SIAH3: variants seen among roughly 807,000 people sequenced by gnomAD.
SIAH3 encodes the protein seven in absentia homolog 3.
Under a neutral mutation model 12.6 loss-of-function variants are expected in SIAH3, and 9 were observed. That is an observed-to-expected ratio of 0.72 (90% CI 0.43 to 1.25). SIAH3 has a LOEUF of 1.25. Ranked by LOEUF, SIAH3 falls within the 50% of genes most tolerant of loss-of-function variation. SIAH3 has a pLI of 0.00. For missense variants in SIAH3, 390 were observed against 365.4 expected, an observed-to-expected ratio of 1.07 and a Z score of -0.55; for synonymous variants, 154 against 151.1, an observed-to-expected ratio of 1.02 and a Z score of -0.14.
chr13:45,781,107 A>C lies in SIAH3; in HGVS notation c.*2276T>G, dbSNP rs1180408557. 1.3e-5 allele frequency: 2 copies of C among 152,646 alleles called. No individual in the cohort carries two copies. Among genetic ancestry groups the C allele is most frequent in the East Asian group, 3.9e-4 (2 of 5,190 alleles). 9.5% of individuals were successfully genotyped at this position (152,646 alleles called of 1,614,324 possible). ...CTCCCATCTGGGATCACTTATTCATAATACAGTCTTGTGTGCAGTGAAAAT... is the reference window on the plus strand; with the variant it reads ...CTCCCATCTGGGATCACTTATTCATCATACAGTCTTGTGTGCAGTGAAAAT... On this transcript the variant is annotated 3_prime_UTR_variant, in exon 2 of 2. Coordinates refer to ENST00000400405, the MANE Select transcript of SIAH3 (RefSeq NM_198849.3).
At chr13:45,837,621 A>G (rs12428442) in intron 1 of SIAH3, among the ~76,000 whole-genome samples, 54,348 of 147,108 alleles carry the variant, frequency 0.37, 11,116 homozygotes, top group Middle Eastern at 0.51. Context: ...GGGAGGGAGG[A>G]AGGGAAGAAG....
At chr13:45,786,653 C>T (rs191195997) in intron 1 of SIAH3, among the ~76,000 whole-genome samples, 7 of 152,338 alleles carry the variant, frequency 4.6e-5, no homozygotes, top group African/African-American at 1.4e-4. Flanking sequence ...AGTGTTACCT[C>T]GAGAGGGCAT....
rs147063818 is a variant in SIAH3, at chr13:45,851,127, C to T, written c.135+368G>A. On this transcript the variant is annotated intron_variant, in intron 1 of 1. Coordinates refer to ENST00000400405, the MANE Select transcript of SIAH3 (RefSeq NM_198849.3). ...GGGACAGAGAGAATTTGGCTAACTTCAAATCCTGTCTCCTGAGCACTTGCC... is the reference window on the plus strand; with the variant it reads ...GGGACAGAGAGAATTTGGCTAACTTTAAATCCTGTCTCCTGAGCACTTGCC... Among the ~76,000 whole-genome samples the T allele has an allele frequency of 7.7e-3, 1,170 of 152,024 alleles. 17 individuals carry two copies. The highest frequency in any genetic ancestry group is 0.027 in the African/African-American group (1,103 of 41,450).
chr13:45,800,448 G>A (rs969740909), intron 1 of SIAH3, among the ~76,000 whole-genome samples: 1 of 152,184 alleles, frequency 6.6e-6, no homozygotes, highest in African/African-American at 2.4e-5. Flanking sequence ...TGGATGAAAA[G>A]AAAAATAAAG....
chr13:45,836,096 C>T (rs548610028), intron 1 of SIAH3, among the ~76,000 whole-genome samples: 2 of 152,188 alleles, frequency 1.3e-5, no homozygotes, highest in South Asian at 4.2e-4. Context: ...CAAGTGAATG[C>T]GTAGAGTGGA....
At chr13:45,850,809 G>A (rs772438846) in intron 1 of SIAH3, among the ~76,000 whole-genome samples, 5 of 151,978 alleles carry the variant, frequency 3.3e-5, no homozygotes, top group Non-Finnish European at 7.4e-5. Flanking sequence ...AGGCAGCGGC[G>A]GCAGCAGCTA....
intron 1 of SIAH3, among the ~76,000 whole-genome samples, chr13:45,826,506 T>G: frequency 6.6e-6 from 1 of 151,870 alleles, no homozygotes; most frequent in Non-Finnish European, 1.5e-5. Flanking sequence ...GGTGGATAGA[T>G]GGATGGATGG....
At chr13:45,814,818 G>A (rs1950628631) in intron 1 of SIAH3, among the ~76,000 whole-genome samples, 1 of 151,708 alleles carries the variant, frequency 6.6e-6, no homozygotes, top group Admixed American at 6.6e-5. Flanking sequence ...TGCCTTCCGG[G>A]CTCAAGCGAT....
Position 45,779,971 on chromosome 13 carries a change from A to C in SIAH3, c.*3412T>G, listed in dbSNP as rs1950497637. 2 of 152,196 alleles carry C rather than the reference A, an allele frequency of 1.3e-5. No individual in the cohort carries two copies. 9.4% of individuals were successfully genotyped at this position (152,196 alleles called of 1,614,324 possible). A position where few individuals can be genotyped will look rare whatever the true frequency, so the allele number is the denominator to read the frequency against. Reference sequence around the variant, plus strand: ...GCTCCTCTCTCCACACCTCCTGAAAAAAACCTCTGGCAGATGCCTGAAGTT... The same window carrying C: ...GCTCCTCTCTCCACACCTCCTGAAACAAACCTCTGGCAGATGCCTGAAGTT... On this transcript the variant is annotated 3_prime_UTR_variant, in exon 2 of 2. Transcript: ENST00000400405.
chr13:45,850,379 C>T (rs148303605), intron 1 of SIAH3, among the ~76,000 whole-genome samples: 73 of 152,312 alleles, frequency 4.8e-4, no homozygotes, highest in African/African-American at 1.7e-3. Flanking sequence ...TGCCCAACAG[C>T]AGTGGTCAGA....
chr13:45,800,746 C>T (rs896907360), intron 1 of SIAH3, among the ~76,000 whole-genome samples: 32 of 152,226 alleles, frequency 2.1e-4, no homozygotes, highest in African/African-American at 7.0e-4. Flanking sequence ...ATGCGAAAAG[C>T]ACTAGTACAA....
At chr13:45,787,466 G>T (rs1438755617) in intron 1 of SIAH3, among the ~76,000 whole-genome samples, 1 of 152,124 alleles carries the variant, frequency 6.6e-6, no homozygotes, top group Non-Finnish European at 1.5e-5. Flanking sequence ...GGTACACCAG[G>T]GGCTCTGAGA....
At chr13:45,799,479 G>C (rs1206283153) in intron 1 of SIAH3, among the ~76,000 whole-genome samples, 1 of 152,226 alleles carries the variant, frequency 6.6e-6, no homozygotes, top group Non-Finnish European at 1.5e-5. Flanking sequence ...GCTGACACCT[G>C]CTGAGTGTCT....
intron 1 of SIAH3, among the ~76,000 whole-genome samples, chr13:45,808,248 T>C (rs1227738428): frequency 6.7e-6 from 1 of 150,344 alleles, no homozygotes; most frequent in African/African-American, 2.4e-5. Flanking sequence ...AAAAGTGTCC[T>C]GGTATATAGG....
chr13:45,783,906 C>T lies in SIAH3; in HGVS notation c.287G>A (p.Gly96Glu), dbSNP rs547685968. ...GGGCGTCACCGGGTTGGCGTGCAGC[C>T]CCGCCTCCTGGTGGTGAAGGTGGTG... ...HPHHLHHQEA[G>E]LHANPVTPCL... is the part of the protein sequence containing the mutation. The change falls in exon 2 of 2, where the codon GGG becomes GAG. Residue 96 changes from glycine to glutamate, a missense_variant. Gly to Glu is a moderately conservative substitution (Grantham distance 98). Coordinates refer to ENST00000400405, the MANE Select transcript of SIAH3 (RefSeq NM_198849.3). 1.9e-6 allele frequency: 3 copies of T among 1,611,652 alleles called. No individual in the cohort carries two copies. Among genetic ancestry groups the T allele is most frequent in the African/African-American group, 1.3e-5 (1 of 75,012 alleles).
intron 1 of SIAH3, among the ~76,000 whole-genome samples, chr13:45,799,562 A>G (rs1950574328): frequency 6.6e-6 from 1 of 152,034 alleles, no homozygotes; most frequent in Admixed American, 6.5e-5. Flanking sequence ...TCATTATCAC[A>G]AGTAGTTTGT....
chr13:45,851,347 A>C, intron 1 of SIAH3, 148 bp downstream of exon 1: 1 of 1,020,556 alleles, frequency 9.8e-7, no homozygotes, highest in South Asian at 1.5e-5. Flanking sequence ...GAGTGAGCCG[A>C]GGCAAACACG....
At chr13:45,842,947 C>T (rs1357459174) in intron 1 of SIAH3, among the ~76,000 whole-genome samples, 2 of 152,034 alleles carry the variant, frequency 1.3e-5, no homozygotes, top group Non-Finnish European at 2.9e-5. Flanking sequence ...CACTGGGCTT[C>T]GCATCCTGTG....
chr13:45,789,357 C>CT (rs1340452932), intron 1 of SIAH3, among the ~76,000 whole-genome samples: 1 of 107,176 alleles, frequency 9.3e-6, no homozygotes, highest in Non-Finnish European at 1.9e-5. Context: ...GTGTATCTAT[C>CT]ATCTATCTAT....
Sources: allele counts gnomAD v4.1 joint callset (sites outside exome capture counted in the v4.1 genomes callset), GRCh38; gene constraint gnomAD v4.1.1; transcripts MANE v1.5; gene names NCBI Gene and HGNC (gene_info 2026-07-23, HGNC 2026-07-21).